CNTN6: variants seen among roughly 807,000 people sequenced by gnomAD.
CNTN6 encodes the protein contactin-6.
In CNTN6, 137 loss-of-function variants were observed where a neutral mutation model predicts 122.8. That is an observed-to-expected ratio of 1.12 (90% CI 0.97 to 1.29). The LOEUF is 1.29. Ranked by LOEUF, CNTN6 falls within the 50% of genes most tolerant of loss-of-function variation. CNTN6 has a pLI of 0.00. For missense variants in CNTN6, 1,634 were observed against 1,223.4 expected, an observed-to-expected ratio of 1.34 and a Z score of -5.01; for synonymous variants, 570 against 426.0, an observed-to-expected ratio of 1.34 and a Z score of -4.16.
chr3:1,104,354 T>C (rs922742397), intron 1 of CNTN6, among the ~76,000 whole-genome samples: 4 of 152,136 alleles, frequency 2.6e-5, no homozygotes, highest in African/African-American at 7.2e-5. Flanking sequence ...TCTGTTTTTA[T>C]AGAGAGTGAG....
chr3:1,214,299 G>T (rs1307601744), intron 2 of CNTN6, among the ~76,000 whole-genome samples: 42 of 77,006 alleles, frequency 5.5e-4, no homozygotes, highest in African/African-American at 1.8e-3. Flanking sequence ...TTTGTTGGAT[G>T]TCTTTTTTTT....
chr3:1,346,377 C>G (rs573807697), intron 11 of CNTN6, among the ~76,000 whole-genome samples: 1 of 152,180 alleles, frequency 6.6e-6, no homozygotes, highest in East Asian at 1.9e-4. Flanking sequence ...GGACAGATCC[C>G]TCCTTAATGC....
At chr3:1,202,466 G>T (rs12487009) in intron 2 of CNTN6, among the ~76,000 whole-genome samples, 4 of 151,622 alleles carry the variant, frequency 2.6e-5, no homozygotes, top group Admixed American at 6.6e-5. Flanking sequence ...CGGGAACCCC[G>T]GGGGGCGGAG....
intron 2 of CNTN6, among the ~76,000 whole-genome samples, chr3:1,158,969 C>CATATATATATATATATATATATATAT (rs147254743): frequency 5.3e-5 from 6 of 112,960 alleles, no homozygotes; most frequent in Non-Finnish European, 9.0e-5. Flanking sequence ...CACACACACA[C>CATATATATATATATATATATATATAT]ATATATATAT....
At chr3:1,266,096 C>G (rs1347844969) in intron 4 of CNTN6, among the ~76,000 whole-genome samples, 1 of 151,854 alleles carries the variant, frequency 6.6e-6, no homozygotes, top group East Asian at 1.9e-4. Context: ...GGTAATGTCT[C>G]TTCTGCTTAT....
chr3:1,220,463 G>T (rs1397930234), intron 2 of CNTN6, among the ~76,000 whole-genome samples: 1 of 152,082 alleles, frequency 6.6e-6, no homozygotes, highest in African/African-American at 2.4e-5. Flanking sequence ...GGGGTGTTAT[G>T]CCCTTTGTTT....
intron 21 of CNTN6, among the ~76,000 whole-genome samples, chr3:1,401,828 ATAG>A (rs1252174675): frequency 6.6e-6 from 1 of 152,034 alleles, no homozygotes; most frequent in Non-Finnish European, 1.5e-5. Context: ...GCTTATGTGC[ATAG>A]TAGATGTGAT....
At chr3:1,167,865 G>A (rs532136667) in intron 2 of CNTN6, among the ~76,000 whole-genome samples, 4 of 152,280 alleles carry the variant, frequency 2.6e-5, no homozygotes, top group African/African-American at 7.2e-5. Flanking sequence ...CCATGAGTTA[G>A]GATCTCAAAA....
chr3:1,274,163 AT>A (rs3836239), intron 4 of CNTN6, among the ~76,000 whole-genome samples: 35,577 of 151,830 alleles, frequency 0.23, 4,987 homozygotes, highest in South Asian at 0.36. Context: ...CAATATATTA[AT>A]TTTTTTTGTT....
chr3:1,192,374 CTTAAAA>C (rs1317303159), intron 2 of CNTN6, among the ~76,000 whole-genome samples: 6 of 152,162 alleles, frequency 3.9e-5, no homozygotes, highest in Non-Finnish European at 7.3e-5. Flanking sequence ...TCTTTCAAAA[CTTAAAA>C]TTAATATCTT....
intron 20 of CNTN6, among the ~76,000 whole-genome samples, chr3:1,386,685 TTTTTAAAACACA>T (rs1328098481): frequency 1.3e-5 from 2 of 151,152 alleles, no homozygotes; most frequent in African/African-American, 4.9e-5. Flanking sequence ...AAAATCAGAC[TTTTTAAAACACA>T]TTTTTTTGCT....
rs547891202 is a variant in CNTN6, at chr3:1,338,215, A to G, written c.1364+8280A>G. Among the ~76,000 whole-genome samples, 93 of 152,246 alleles carry G rather than the reference A, an allele frequency of 6.1e-4. 1 individual carries two copies. Among genetic ancestry groups the G allele is most frequent in the African/African-American group, 2.1e-3 (86 of 41,554 alleles). On this transcript the variant is annotated intron_variant, in intron 11 of 22. Coordinates refer to ENST00000446702, the MANE Select transcript of CNTN6 (RefSeq NM_001289080.2). ...TAAATAGCATCTTATAAATTATTAA[A>G]CTGTGTCTTACAACAGAAAATGGGT...
intron 4 of CNTN6, among the ~76,000 whole-genome samples, chr3:1,242,434 T>A (rs1178799272): frequency 6.6e-6 from 1 of 152,200 alleles, no homozygotes; most frequent in African/African-American, 2.4e-5. Flanking sequence ...TGTCCGGTTT[T>A]TGGACAGGTA....
intron 10 of CNTN6, among the ~76,000 whole-genome samples, chr3:1,328,541 A>G (rs1012048245): frequency 1.3e-5 from 2 of 151,772 alleles, no homozygotes; most frequent in African/African-American, 4.8e-5. Flanking sequence ...CTTTATCTTC[A>G]CTCAACCTAT....
intron 19 of CNTN6, 44 bp downstream of exon 19, chr3:1,383,452 G>A (rs775682549): frequency 6.9e-7 from 1 of 1,455,880 alleles, no homozygotes; most frequent in South Asian, 1.1e-5. Context: ...TGTGCCAATG[G>A]ACTTCGCAAT....
At chr3:1,186,118 G>A (rs1329630837) in intron 2 of CNTN6, among the ~76,000 whole-genome samples, 1 of 152,016 alleles carries the variant, frequency 6.6e-6, no homozygotes, top group East Asian at 1.9e-4. Context: ...GGAAGAAAAC[G>A]AAAGACAGCA....
rs1323516625 is a variant in CNTN6 at position 1,401,435 on chromosome 3, C to T, written c.2707C>T (p.Pro903Ser). Residue 903 changes from proline (P) to serine (S), a missense_variant and splice_region_variant, in exon 21 of 23, where the codon CCA (proline) becomes TCA (serine). Physicochemically the swap from Pro to Ser is moderately conservative, Grantham distance 74. Coordinates refer to ENST00000446702, the MANE Select transcript of CNTN6 (RefSeq NM_001289080.2). ...GATCTTTGATTATCTCTTTAAAGCT[C>T]CAAGCCAACCACCAGCAAACATTGC... ...PVNVTTKKSPPSQPPANIAWK... is the reference protein window; with the variant it reads ...PVNVTTKKSPSSQPPANIAWK... The T allele has an allele frequency of 6.2e-7, 1 of 1,611,198 alleles. No homozygotes were observed. The highest frequency in any genetic ancestry group is 8.5e-7 in the Non-Finnish European group (1 of 1,178,080).
chr3:1,351,401 A>C (rs1559896362), intron 11 of CNTN6, among the ~76,000 whole-genome samples: 1 of 151,998 alleles, frequency 6.6e-6, no homozygotes, highest in African/African-American at 2.4e-5. Context: ...TACAATCTTG[A>C]CTACCTACTA....
At chr3:1,233,481 A>T (rs989690645) in intron 4 of CNTN6, among the ~76,000 whole-genome samples, 31 of 152,122 alleles carry the variant, frequency 2.0e-4, no homozygotes, top group African/African-American at 7.5e-4. Flanking sequence ...CACGCCTGTA[A>T]TCCCAGCACT....
Sources: gnomAD v4.1 joint callset for allele counts (sites outside exome capture counted in the v4.1 genomes callset) on GRCh38, gnomAD v4.1.1 for gene constraint, MANE v1.5 for transcripts, NCBI Gene and HGNC (gene_info 2026-07-23, HGNC 2026-07-21) for gene names.